MRRF: variants seen among roughly 807,000 people sequenced by gnomAD.
MRRF encodes ribosome-recycling factor, mitochondrial.
Under a neutral mutation model 25.1 loss-of-function variants are expected in MRRF, and 18 were observed. The ratio of observed to expected loss-of-function variants is 0.72; its 90% CI spans 0.50 to 1.06. The LOEUF (loss-of-function observed/expected upper bound fraction) is 1.06. MRRF is among the 50% of genes least tolerant of loss of function. The pLI is 0.00. For missense variants in MRRF, 323 were observed against 319.3 expected (o/e 1.01, Z -0.09); for synonymous variants, 113 against 112.1 (o/e 1.01, Z -0.05).
intron 5 of MRRF, among the ~76,000 whole-genome samples, chr9:122,300,995 C>T (rs1030743373): frequency 6.6e-6 from 1 of 152,258 alleles, no homozygotes; most frequent in African/African-American, 2.4e-5. Flanking sequence ...CCCACTGAAC[C>T]GCTTCCTAAA....
At chr9:122,280,402 T>C (rs1833026926) in intron 2 of MRRF, 41 bp from the exon 3 acceptor site, 5 of 1,612,132 alleles carry the variant, frequency 3.1e-6, no homozygotes, top group Non-Finnish European at 4.2e-6. Context: ...TGGCTCTGTT[T>C]ATGCTGCTGT....
chr9:122,308,742 A>T (rs566520955), intron 5 of MRRF, among the ~76,000 whole-genome samples: 1 of 149,900 alleles, frequency 6.7e-6, no homozygotes, highest in South Asian at 2.1e-4. Flanking sequence ...ATGCTGTCTC[A>T]TCCAGGCTAA....
In MRRF at chr9:122,306,680, G is replaced by A. The variant is rs143211235; in HGVS notation, c.552-6547G>A. On this transcript the variant is annotated intron_variant, in intron 5 of 6. Transcript: ENST00000344641. ...TTGACCACCAAACTTGTGCTTTTTC[G>A]CATGTATGATGGAGCTGAGGCAAGA... Among the ~76,000 whole-genome samples the A allele has an allele frequency of 1.5e-3, 224 of 152,220 alleles. 2 individuals carry two copies. Among genetic ancestry groups the A allele is most frequent in the East Asian group, 6.8e-3 (35 of 5,182 alleles).
intron 2 of MRRF, among the ~76,000 whole-genome samples, chr9:122,276,827 A>G (rs535456165): frequency 1.3e-5 from 2 of 152,244 alleles, no homozygotes; most frequent in East Asian, 3.9e-4. Flanking sequence ...CAAGGAAGGT[A>G]TATTGAACTC....
chr9:122,281,869 T>G (rs1833109830), intron 3 of MRRF, among the ~76,000 whole-genome samples: 1 of 152,166 alleles, frequency 6.6e-6, no homozygotes. Flanking sequence ...CTGAGGGAGA[T>G]TCTCGCTGGG....
At position 122,328,889 on chromosome 9, in the gene MRRF, A is replaced by G. The variant is rs541736165; in HGVS notation, c.*6272A>G. ...TTAATAAGAGATGAGGGGTCTCCCT[A>G]TGTTGCCCAGGCTGGACTTGAACTC... On this transcript the variant is annotated 3_prime_UTR_variant, in exon 7 of 7. Transcript: ENST00000344641. 1 of 151,502 alleles carries G rather than the reference A, an allele frequency of 6.6e-6. No homozygotes were observed. Among genetic ancestry groups the G allele is most frequent in the East Asian group, 1.9e-4 (1 of 5,130 alleles). The allele number at this position is 151,502 out of a possible 1,614,324, so 9.4% of individuals were successfully genotyped here.
intron 5 of MRRF, among the ~76,000 whole-genome samples, chr9:122,295,469 G>A (rs1834027921): frequency 6.8e-6 from 1 of 148,106 alleles, no homozygotes. Flanking sequence ...TTTTTGAGAT[G>A]GAGTCTTACT....
rs1836182425 is a variant in MRRF, at chr9:122,327,880, T to G, written c.*5263T>G. 1 of 152,010 alleles carries G rather than the reference T, an allele frequency of 6.6e-6. No individual in the cohort carries two copies. Among genetic ancestry groups the G allele is most frequent in the Admixed American group, 6.5e-5 (1 of 15,268 alleles). The allele number at this position is 152,010 out of a possible 1,614,324, so 9.4% of individuals were successfully genotyped here. A position where few individuals can be genotyped will look rare whatever the true frequency, so the allele number is the denominator to read the frequency against. On this transcript the variant is annotated 3_prime_UTR_variant, in exon 7 of 7. Transcript: ENST00000344641. ...TATTTTAGGTGTTTCTTTTTTTTTT[T>G]GGAATTGGGTTTTGTTCGATGAACC...
At chr9:122,312,164 C>T (rs764910023) in intron 5 of MRRF, among the ~76,000 whole-genome samples, 5 of 152,158 alleles carry the variant, frequency 3.3e-5, no homozygotes, top group Non-Finnish European at 7.3e-5. Flanking sequence ...CCAGAAAGAT[C>T]GGGGTTTGAA....
intron 6 of MRRF, among the ~76,000 whole-genome samples, chr9:122,318,100 C>G (rs1835652596): frequency 1.3e-5 from 2 of 152,136 alleles, no homozygotes; most frequent in Admixed American, 1.3e-4. Context: ...CGCGCCACTA[C>G]ATTCCAGCCT....
rs761091178 is a variant in MRRF at position 122,322,550 on chromosome 9, T to C, written c.722T>C (p.Met241Thr). Residue 241 changes from methionine (M) to threonine (T), a missense_variant, in exon 7 of 7, where the codon ATG becomes ACG. Physicochemically the swap from Met to Thr is moderately conservative, Grantham distance 81. Transcript: ENST00000344641. ...TTTGTGTTCTTGCAGATCAGCCAAA[T>C]GGCCGATGACACAGTGGCAGAACTG... ...IRLIEKQISQ[M>T]ADDTVAELDR... The C allele has an allele frequency of 2.5e-6, 4 of 1,614,164 alleles. No homozygotes were observed. The South Asian group carries it at 4.4e-5, about 18-fold the overall frequency.
intron 6 of MRRF, among the ~76,000 whole-genome samples, chr9:122,321,306 T>C (rs1219371940): frequency 1.3e-5 from 2 of 152,208 alleles, no homozygotes; most frequent in Admixed American, 1.3e-4. Flanking sequence ...TGATATGTAC[T>C]GGAATGTTAT....
chr9:122,302,722 C>T (rs577973112), intron 5 of MRRF, among the ~76,000 whole-genome samples: 3 of 152,226 alleles, frequency 2.0e-5, no homozygotes, highest in African/African-American at 7.2e-5. Context: ...GGATATAAAC[C>T]TAGGAGTGGT....
At chr9:122,315,556 A>G (rs1588084552) in intron 6 of MRRF, among the ~76,000 whole-genome samples, 1 of 152,170 alleles carries the variant, frequency 6.6e-6, no homozygotes, top group African/African-American at 2.4e-5. Context: ...CAAACCCTCA[A>G]AACTCCCCTC....
rs140686147 is a variant in MRRF, at chr9:122,329,111, A to C, written c.*6494A>C. On this transcript the variant is annotated 3_prime_UTR_variant, in exon 7 of 7. Transcript: ENST00000344641. ...CCCTGTTGCCTGCTGAATTATGTAAACTCTTCACCCTGGCATTCAGTAACT... is the reference window on the plus strand; with the variant it reads ...CCCTGTTGCCTGCTGAATTATGTAACCTCTTCACCCTGGCATTCAGTAACT... 1.3e-5 allele frequency: 2 copies of C among 151,734 alleles called. No individual in the cohort carries two copies. The highest frequency in any genetic ancestry group is 3.9e-4 in the East Asian group (2 of 5,176). 9.4% of individuals were successfully genotyped at this position (151,734 alleles called of 1,614,324 possible).
chr9:122,270,867 A>G lies in MRRF; in HGVS notation c.-25A>G. 1 of 1,612,560 alleles carries G rather than the reference A, an allele frequency of 6.2e-7. No individual in the cohort carries two copies. The highest frequency in any genetic ancestry group is 1.3e-5 in the African/African-American group (1 of 75,018). ...CTTTTTGTCTTATTCTTTTTAGTGG[A>G]TGTTTCCAAGGATTGTCTTCAGTCA... On this transcript the variant is annotated 5_prime_UTR_variant, in exon 2 of 7. The change abolishes an upstream ATG in the 5' untranslated region. Coordinates refer to ENST00000344641, the MANE Select transcript of MRRF (RefSeq NM_138777.5).
At chr9:122,313,593 GT>G (rs1363421975) in intron 6 of MRRF, among the ~76,000 whole-genome samples, 2 of 152,168 alleles carry the variant, frequency 1.3e-5, no homozygotes, top group Non-Finnish European at 2.9e-5. Context: ...TGTGTACCAG[GT>G]TTTGTGCTGA....
At chr9:122,321,608 T>A (rs1486359248) in intron 6 of MRRF, among the ~76,000 whole-genome samples, 2 of 152,234 alleles carry the variant, frequency 1.3e-5, no homozygotes, top group Non-Finnish European at 2.9e-5. Context: ...CATCATAGCT[T>A]GCTGGCATTG....
At chr9:122,274,257 A>C (rs1588008532) in intron 2 of MRRF, among the ~76,000 whole-genome samples, 1 of 152,372 alleles carries the variant, frequency 6.6e-6, no homozygotes, top group East Asian at 1.9e-4. Context: ...ACAGAGCTAT[A>C]GTAACCAAAA....
Sources: allele counts gnomAD v4.1 joint callset (sites outside exome capture counted in the v4.1 genomes callset), GRCh38; gene constraint gnomAD v4.1.1; transcripts MANE v1.5; gene names NCBI Gene and HGNC (gene_info 2026-07-23, HGNC 2026-07-21).